ERAP2: variants seen among roughly 807,000 people sequenced by gnomAD.
ERAP2 encodes the protein leukocyte-derived arginine aminopeptidase.
In ERAP2, 118 loss-of-function variants were observed where a neutral mutation model predicts 111.1. The ratio of observed to expected loss-of-function variants is 1.06; its 90% CI spans 0.92 to 1.24. The LOEUF (loss-of-function observed/expected upper bound fraction) is 1.24, where lower values mean the gene tolerates loss of function less well. ERAP2 is among the 50% of genes most tolerant of loss of function. ERAP2 has a pLI of 0.00. For synonymous variants in ERAP2, 410 were observed against 401.2 expected (o/e 1.02, Z -0.26); for missense variants, 1,131 against 1,125.8 (o/e 1.00, Z -0.07).
intron 5 of ERAP2, among the ~76,000 whole-genome samples, chr5:96,889,831 TACACACACACACAC>T (rs58154009): frequency 6.7e-6 from 1 of 148,644 alleles, no homozygotes; most frequent in South Asian, 2.1e-4. Flanking sequence ...AAAAAATACA[TACACACACACACAC>T]ACACACACAC....
At position 96,896,391 on chromosome 5, in the gene ERAP2, G is replaced by A. The variant is rs1272677336; in HGVS notation, c.1258G>A (p.Val420Met). ...TGTTTAGGATGACTATTTTTTGAAT[G>A]TGTGTTTTGAAGTAATTACAAAAGA... ...ELQFDDYFLN[V>M]CFEVITKDSL... The change falls in exon 8 of 19, where the codon GTG (valine) becomes ATG (methionine). Residue 420 changes from valine (V) to methionine (M), a missense_variant. By Grantham distance (21) the Val-to-Met change is conservative. This residue lies in a region of ERAP2 where 847 missense variants were observed against 856.5 expected (regional missense o/e 0.99). Coordinates refer to ENST00000437043, the MANE Select transcript of ERAP2 (RefSeq NM_022350.5). The A allele has an allele frequency of 6.2e-7, 1 of 1,609,470 alleles. No homozygotes were observed. Among genetic ancestry groups the A allele is most frequent in the Non-Finnish European group, 8.5e-7 (1 of 1,177,446 alleles).
intron 9 of ERAP2, among the ~76,000 whole-genome samples, chr5:96,898,014 C>T (rs867918588): frequency 8.5e-5 from 13 of 152,190 alleles, no homozygotes; most frequent in Admixed American, 2.0e-4. Flanking sequence ...CTGGCCAATT[C>T]GTGGAACCCC....
Position 96,891,935 on chromosome 5 carries a change from C to A in ERAP2, c.971-364C>A, listed in dbSNP as rs149140937. Among the ~76,000 whole-genome samples, 72 of 151,966 alleles carry A rather than the reference C, an allele frequency of 4.7e-4. 1 individual carries two copies. Among genetic ancestry groups the A allele is most frequent in the African/African-American group, 1.7e-3 (69 of 41,426 alleles). On this transcript the variant is annotated intron_variant, in intron 5 of 18. Transcript: ENST00000437043. ...AAACATATTAGAAATTATTTGATAC[C>A]CTTTTTAAAGTTTTCAGCAGTACTA...
Position 96,880,230 on chromosome 5 carries a change from G to A in ERAP2, c.545G>A (p.Ser182Asn), listed in dbSNP as rs533852348. 1 of 1,613,634 alleles carries A rather than the reference G, an allele frequency of 6.2e-7. No individual in the cohort carries two copies. The highest frequency in any genetic ancestry group is 2.2e-5 in the East Asian group (1 of 44,868). ...GATGGCTTTGAAGGGTTTTATAAAA[G>A]CACATACAGAACTCTTGGTGGTGAA... The part of the protein sequence containing the change: ...LGDGFEGFYK[S>N]TYRTLGGETR... The change falls in exon 2 of 19, where the codon AGC becomes AAC. Residue 182 changes from serine to asparagine, a missense_variant. Coordinates refer to ENST00000437043, the MANE Select transcript of ERAP2 (RefSeq NM_022350.5).
chr5:96,888,972 G>A (rs1273360234), intron 4 of ERAP2, among the ~76,000 whole-genome samples: 1 of 152,062 alleles, frequency 6.6e-6, no homozygotes. Flanking sequence ...GAAATGGATT[G>A]TAACAGAAGA....
chr5:96,876,707 C>G (rs1782566138), intron 1 of ERAP2, among the ~76,000 whole-genome samples, 180 bp downstream of exon 1: 1 of 152,140 alleles, frequency 6.6e-6, no homozygotes, highest in African/African-American at 2.4e-5. Context: ...GAGGCTGGGA[C>G]TTGATCTAAG....
intron 17 of ERAP2, among the ~76,000 whole-genome samples, chr5:96,915,305 A>C (rs765472067): frequency 1.3e-5 from 2 of 152,176 alleles, no homozygotes; most frequent in Non-Finnish European, 2.9e-5. Flanking sequence ...CACCGCGCCC[A>C]GCCCATATAA....
intron 1 of ERAP2, among the ~76,000 whole-genome samples, chr5:96,877,857 C>CTTTA (rs3840523): frequency 0.52 from 79,123 of 151,694 alleles, 20,771 homozygotes; most frequent in South Asian, 0.61. Flanking sequence ...GGAGAAGTAT[C>CTTTA]TTTAATATTA....
Position 96,901,626 on chromosome 5 carries a change from C to T in ERAP2, c.1693C>T (p.Arg565Cys), listed in dbSNP as rs151035607. Residue 565 changes from arginine to cysteine, a missense_variant, in exon 11 of 19, where the codon CGC becomes TGC. Transcript: ENST00000437043. ...GTGTTCACTCCGACTGCAACAGGAG[C>T]GCTTCCTCCAGGGGGTTTTCCAGGA... ...DGCSLRLQQE[R>C]FLQGVFQEDP... 5.1e-4 allele frequency: 828 copies of T among 1,614,070 alleles called. No homozygotes were observed. Among genetic ancestry groups the T allele is most frequent in the Non-Finnish European group, 6.6e-4 (782 of 1,179,972 alleles).
chr5:96,883,940 C>A lies in ERAP2; in HGVS notation c.714+10C>A, dbSNP rs183470843. On this transcript the variant is annotated intron_variant, in intron 3 of 18. Coordinates refer to ENST00000437043, the MANE Select transcript of ERAP2 (RefSeq NM_022350.5). ...ATCCAACATGCCAAAGGTATGTCCA[C>A]TTCCAGAAACTTTTAGAAATTGTTC... The A allele has an allele frequency of 2.4e-5, 38 of 1,555,058 alleles. No individual in the cohort carries two copies. Among genetic ancestry groups the A allele is most frequent in the Non-Finnish European group, 2.9e-5 (33 of 1,153,998 alleles).
At chr5:96,903,695 G>A in intron 13 of ERAP2, 135 bp downstream of exon 13, 1 of 706,696 alleles carries the variant, frequency 1.4e-6, no homozygotes, top group South Asian at 2.4e-5. Flanking sequence ...GTGATCACTA[G>A]GCCAAAGACT....
At chr5:96,913,119 T>G (rs1281207798) in intron 16 of ERAP2, among the ~76,000 whole-genome samples, 198 bp from the exon 17 acceptor site, 2 of 152,204 alleles carry the variant, frequency 1.3e-5, no homozygotes, top group African/African-American at 4.8e-5. Context: ...TTTGAAATAA[T>G]AAGTAAATGT....
intron 4 of ERAP2, among the ~76,000 whole-genome samples, chr5:96,888,342 C>T (rs140714942): frequency 6.6e-6 from 1 of 152,208 alleles, no homozygotes; most frequent in Non-Finnish European, 1.5e-5. Context: ...AGGACAGGTT[C>T]CTGTCAGCCT....
At chr5:96,889,422 G>A (rs1469435572) in intron 5 of ERAP2, 117 bp downstream of exon 5, 1 of 1,179,866 alleles carries the variant, frequency 8.5e-7, no homozygotes, top group Admixed American at 1.7e-5. Context: ...AGTTAGCTCA[G>A]GAAAAAATAA....
intron 9 of ERAP2, 149 bp from the exon 10 acceptor site, chr5:96,899,972 C>A: frequency 1.1e-6 from 1 of 902,484 alleles, no homozygotes; most frequent in Non-Finnish European, 1.7e-6. Context: ...TGCAAACATG[C>A]CTTTTTTTCC....
chr5:96,915,842 T>C, intron 18 of ERAP2, 73 bp downstream of exon 18: 4 of 1,287,566 alleles, frequency 3.1e-6, no homozygotes, highest in Non-Finnish European at 3.3e-6. Context: ...AACTTAGATA[T>C]AATCTGATTT....
intron 5 of ERAP2, 65 bp from the exon 6 acceptor site, chr5:96,892,234 G>C: frequency 6.5e-7 from 1 of 1,542,406 alleles, no homozygotes; most frequent in Non-Finnish European, 8.9e-7. Flanking sequence ...TATTTGAGCA[G>C]AGAGCAAATT....
At position 96,909,119 on chromosome 5, in the gene ERAP2, T is replaced by C; in HGVS notation, c.2169+2T>C. On this transcript the variant is annotated splice_donor_variant, in intron 14 of 18. Transcript: ENST00000437043. LOFTEE classifies it high-confidence loss of function. ...TCAGATATCTCTGAAAACCTCAAGGTTTGTGTTGCTTTTAGAAAATGTATT... is the reference window on the plus strand; with the variant it reads ...TCAGATATCTCTGAAAACCTCAAGGCTTGTGTTGCTTTTAGAAAATGTATT... The C allele has an allele frequency of 1.2e-6, 2 of 1,613,610 alleles. No homozygotes were observed. Among genetic ancestry groups the C allele is most frequent in the Non-Finnish European group, 1.7e-6 (2 of 1,179,624 alleles).
At position 96,879,876 on chromosome 5, in the gene ERAP2, G is replaced by A; in HGVS notation, c.191G>A (p.Trp64Ter). Residue 64 changes from tryptophan (W) to a stop codon, truncating the protein, a stop_gained, in exon 2 of 19, where the codon TGG (tryptophan) becomes TAG (stop). Coordinates refer to ENST00000437043, the MANE Select transcript of ERAP2 (RefSeq NM_022350.5). LOFTEE classifies it high-confidence loss of function. Reference protein sequence around the residue: ...PVATNGERFPWQELRLPSVVI... With the variant: ...PVATNGERFP ...GCCACTAATGGGGAACGATTTCCTT[G>A]GCAGGAGCTAAGGCTCCCCAGTGTG... 1 of 1,614,120 alleles carries A rather than the reference G, an allele frequency of 6.2e-7. No homozygotes were observed. The highest frequency in any genetic ancestry group is 8.5e-7 in the Non-Finnish European group (1 of 1,180,014).
Sources: allele counts gnomAD v4.1 joint callset (sites outside exome capture counted in the v4.1 genomes callset), GRCh38; gene constraint gnomAD v4.1.1; regional missense constraint gnomAD v4.1.1; transcripts MANE v1.5; gene names NCBI Gene and HGNC (gene_info 2026-07-23, HGNC 2026-07-21).